Variants in PAK6 observed in about 807,000 individuals in gnomAD.
The protein encoded by PAK6 is p21 (RAC1) activated kinase 6.
Under a neutral mutation model 60.8 loss-of-function variants are expected in PAK6, and 33 were observed. The ratio of observed to expected loss-of-function variants is 0.54; its 90% CI spans 0.41 to 0.73. The LOEUF is 0.73. Ranked by LOEUF, PAK6 falls within the 30% of genes least tolerant of loss-of-function variation. The pLI, the probability that PAK6 is intolerant of heterozygous loss-of-function variation, is 0.00. For synonymous variants in PAK6, 404 were observed against 378.5 expected, an observed-to-expected ratio of 1.07 and a Z score of -0.78; for missense variants, 845 against 904.1, an observed-to-expected ratio of 0.93 and a Z score of 0.84.
intron 9 of PAK6, 42 bp downstream of exon 9, chr15:40,273,718 T>G: frequency 1.2e-6 from 2 of 1,601,106 alleles, no homozygotes; most frequent in Non-Finnish European, 1.7e-6. Context: ...AAAAGCAACT[T>G]GGCAACTGGC....
intron 2 of PAK6, among the ~76,000 whole-genome samples, chr15:40,250,376 G>T (rs1008149714): frequency 1.3e-5 from 2 of 152,246 alleles, no homozygotes; most frequent in African/African-American, 2.4e-5. Flanking sequence ...AACTGGCGTT[G>T]TGATGGACCT....
At chr15:40,274,112 C>A in intron 9 of PAK6, 30 bp from the exon 10 acceptor site, 1 of 1,613,340 alleles carries the variant, frequency 6.2e-7, no homozygotes. Flanking sequence ...AGGGTCTGGC[C>A]ATGGGGTCAG....
chr15:40,274,469 C>A (rs1234059919), intron 10 of PAK6, among the ~76,000 whole-genome samples, 193 bp downstream of exon 10: 1 of 152,258 alleles, frequency 6.6e-6, no homozygotes, highest in Non-Finnish European at 1.5e-5. Context: ...CGCATGTGCG[C>A]TCCGACAAGT....
intron 5 of PAK6, among the ~76,000 whole-genome samples, chr15:40,270,272 C>A (rs995475017): frequency 1.3e-5 from 2 of 152,200 alleles, no homozygotes; most frequent in Non-Finnish European, 2.9e-5. Flanking sequence ...CCTCCACCCC[C>A]CTCACAGCCC....
intron 3 of PAK6, among the ~76,000 whole-genome samples, chr15:40,253,947 T>A (rs564294993): frequency 7.9e-5 from 12 of 152,288 alleles, no homozygotes; most frequent in African/African-American, 2.6e-4. Flanking sequence ...GGCTCAGGTC[T>A]GTGTCCATGC....
intron 5 of PAK6, among the ~76,000 whole-genome samples, chr15:40,269,018 G>A (rs923797416): frequency 1.3e-5 from 2 of 152,130 alleles, no homozygotes; most frequent in African/African-American, 2.4e-5. Context: ...CTCAATAAAT[G>A]GCTTTATTAG....
At chr15:40,240,508 C>A (rs560712141) in intron 1 of PAK6, 91 bp from the exon 2 acceptor site, 2 of 389,512 alleles carry the variant, frequency 5.1e-6, no homozygotes, top group Admixed American at 3.2e-5. Context: ...CAATACCAAC[C>A]AGGAGCCTTC....
chr15:40,252,593 C>T (rs1394081021), intron 2 of PAK6: 4 of 1,355,382 alleles, frequency 3.0e-6, no homozygotes, highest in Non-Finnish European at 3.9e-6. Context: ...CGTGTAAGCG[C>T]GGCCCCTCCT....
chr15:40,276,861 C>T (rs371075338), exon 11 of PAK6: 2 of 151,168 alleles, frequency 1.3e-5, no homozygotes, highest in Admixed American at 6.6e-5. Context: ...GAAGGCTGCC[C>T]CTCTCTCCCA....
At chr15:40,273,268 T>TC in intron 7 of PAK6, 78 bp from the exon 8 acceptor site, 3 of 1,536,124 alleles carry the variant, frequency 2.0e-6, no homozygotes, top group Non-Finnish European at 2.7e-6. Context: ...CACCAGGGAC[T>TC]CCTACTCTGC....
In PAK6 at chr15:40,255,322, A is replaced by G. The variant is rs149647719; in HGVS notation, c.-6+2033A>G. Among the ~76,000 whole-genome samples the G allele has an allele frequency of 2.0e-4, 31 of 152,322 alleles. No individual in the cohort carries two copies. The East Asian group carries it at 4.4e-3, about 22-fold the overall frequency. On this transcript the variant is annotated intron_variant, in intron 3 of 10. Coordinates refer to ENST00000560346, the Ensembl canonical transcript of PAK6. ...CTGGGGATTCACTGGGGCCAGTGGT[A>G]TGGGAATAGTGACAAAGGCAGAGAG...
At chr15:40,274,097 G>A (rs1223153692) in intron 9 of PAK6, 45 bp from the exon 10 acceptor site, 2 of 1,607,514 alleles carry the variant, frequency 1.2e-6, no homozygotes, top group South Asian at 2.2e-5. Flanking sequence ...AGCTACCAAT[G>A]GGCCAGGGTC....
Position 40,272,433 on chromosome 15 carries a change from C to T in PAK6, c.1068C>T (p.His356=), listed in dbSNP as rs575807191. 90 of 1,613,662 alleles carry T rather than the reference C, an allele frequency of 5.6e-5. 1 individual carries two copies. In the South Asian group the frequency reaches 6.0e-4, roughly 11 times the overall value. Residue 356 remains histidine (H), a synonymous_variant, in exon 6 of 11, where the codon CAC becomes CAT. Transcript: ENST00000560346. ...CAGCGGGATCCCCCCGCACCTGGCA[C>T]GCCCAGATCAGCACCAGCAACCTGT... is the stretch of plus-strand genomic sequence containing the variant.
intron 5 of PAK6, among the ~76,000 whole-genome samples, chr15:40,267,671 A>G (rs1354491425): frequency 6.6e-6 from 1 of 152,120 alleles, no homozygotes; most frequent in Non-Finnish European, 1.5e-5. Context: ...TCAAAAAAAA[A>G]AGAGAAAGTT....
chr15:40,273,399 C>T (rs779024966), exon 8 of PAK6: 3 of 1,613,916 alleles, frequency 1.9e-6, no homozygotes, highest in Middle Eastern at 1.7e-4. Flanking sequence ...CAGGCCCTGG[C>T]CTACCTGCAT....
chr15:40,272,620 G>A (rs769503362), exon 6 of PAK6: 43 of 1,611,170 alleles, frequency 2.7e-5, no homozygotes, highest in South Asian at 4.4e-5. Context: ...GGGCTCCACC[G>A]GCATCGTCTG....
At chr15:40,266,310 G>A (rs2039133631) in exon 5 of PAK6, 1 of 1,611,874 alleles carries the variant, frequency 6.2e-7, no homozygotes, top group East Asian at 2.2e-5. Context: ...GCATGGCTCT[G>A]AGGAGGCCCG....
At chr15:40,274,297 G>T in intron 10 of PAK6, 21 bp downstream of exon 10, 8 of 1,578,096 alleles carry the variant, frequency 5.1e-6, no homozygotes, top group Non-Finnish European at 6.9e-6. Flanking sequence ...ACACAAGGGT[G>T]CGACCTCGCA....
At chr15:40,264,032 C>A in intron 3 of PAK6, 2 of 443,920 alleles carry the variant, frequency 4.5e-6, no homozygotes, top group Middle Eastern at 3.3e-4. Flanking sequence ...TCACCCACCC[C>A]AGGCTATCCT....
Sources: allele counts gnomAD v4.1 joint callset (sites outside exome capture counted in the v4.1 genomes callset), GRCh38; gene constraint gnomAD v4.1.1; transcripts MANE v1.5; gene names NCBI Gene and HGNC (gene_info 2026-07-23, HGNC 2026-07-21).